PLXNA4: variants seen among roughly 807,000 people sequenced by gnomAD.
The protein encoded by PLXNA4 is plexin-A4.
A neutral mutation model predicts 191.8 loss-of-function variants in PLXNA4; 44 were observed. The ratio of observed to expected loss-of-function variants is 0.23; its 90% confidence interval spans 0.18 to 0.29. The LOEUF (loss-of-function observed/expected upper bound fraction) is 0.29, where lower values mean the gene tolerates loss of function less well. Among genes scored for constraint, PLXNA4 ranks in the 10% least tolerant of loss-of-function variants. The pLI, the probability that PLXNA4 is intolerant of heterozygous loss-of-function variation, is 1.00. For synonymous variants in PLXNA4, 1,082 were observed against 1,009.5 expected, an observed-to-expected ratio of 1.07 and a Z score of -1.36; for missense variants, 1,800 against 2,488.8, an observed-to-expected ratio of 0.72 and a Z score of 5.89.
intron 2 of PLXNA4, among the ~76,000 whole-genome samples, chr7:132,597,047 A>G (rs1225440665): frequency 6.6e-6 from 1 of 152,184 alleles, no homozygotes; most frequent in African/African-American, 2.4e-5. Flanking sequence ...TAAAGTCAGC[A>G]GCCACTTCTG....
chr7:132,251,458 G>A (rs542913548), intron 4 of PLXNA4, among the ~76,000 whole-genome samples: 1 of 152,242 alleles, frequency 6.6e-6, no homozygotes, highest in Admixed American at 6.5e-5. Flanking sequence ...GGCCCAGGCA[G>A]CGGAGCCAAG....
chr7:132,194,200 A>T, intron 13 of PLXNA4, 21 bp from the exon 14 acceptor site: 1 of 1,605,630 alleles, frequency 6.2e-7, no homozygotes. Context: ...GATAGGAGAA[A>T]TCCCATGGGT....
intron 2 of PLXNA4, among the ~76,000 whole-genome samples, chr7:132,592,568 AT>A (rs1802620939): frequency 6.7e-6 from 1 of 150,162 alleles, no homozygotes; most frequent in African/African-American, 2.5e-5. Flanking sequence ...AAAAACCCAC[AT>A]TAAATTCTCG....
At chr7:132,385,327 C>A (rs17221229) in intron 3 of PLXNA4, 111,941 of 1,591,610 alleles carry the variant, frequency 0.07, 4,416 homozygotes, top group Non-Finnish European at 0.081. Context: ...CAGACTTAGA[C>A]CATGGTGCAC....
chr7:132,541,992 C>A (rs1800107371), intron 1 of PLXNA4, among the ~76,000 whole-genome samples: 1 of 151,958 alleles, frequency 6.6e-6, no homozygotes, highest in Admixed American at 6.6e-5. Flanking sequence ...TATAACAGTT[C>A]CAGGAAAATC....
At chr7:132,631,007 C>A (rs1350157118) in intron 2 of PLXNA4, among the ~76,000 whole-genome samples, 3 of 152,154 alleles carry the variant, frequency 2.0e-5, no homozygotes, top group Non-Finnish European at 4.4e-5. Flanking sequence ...ACTTTTAAAC[C>A]AGAACACCCA....
At chr7:132,446,723 C>T (rs1346170) in intron 3 of PLXNA4, among the ~76,000 whole-genome samples, 105,188 of 152,180 alleles carry the variant, frequency 0.69, 42,248 homozygotes, top group Non-Finnish European at 0.89. Flanking sequence ...CCACCCTATC[C>T]GAATTCCCAA....
At chr7:132,226,537 T>C (rs918219386) in intron 7 of PLXNA4, among the ~76,000 whole-genome samples, 11 of 152,226 alleles carry the variant, frequency 7.2e-5, no homozygotes, top group South Asian at 2.1e-4. Context: ...TTTGCATGCA[T>C]GATGTCCTGC....
intron 2 of PLXNA4, among the ~76,000 whole-genome samples, chr7:132,502,793 G>C (rs541919375): frequency 1.1e-4 from 17 of 152,278 alleles, no homozygotes; most frequent in Admixed American, 5.9e-4. Flanking sequence ...GTATTGTTGG[G>C]AGAAGAAAAG....
chr7:132,620,692 T>C (rs1019421047), intron 2 of PLXNA4, among the ~76,000 whole-genome samples: 5 of 152,250 alleles, frequency 3.3e-5, no homozygotes, highest in African/African-American at 1.2e-4. Flanking sequence ...AATGATGTAA[T>C]AGGATACCTT....
chr7:132,218,162 G>A (rs994333269), intron 9 of PLXNA4, among the ~76,000 whole-genome samples: 4 of 152,110 alleles, frequency 2.6e-5, no homozygotes, highest in African/African-American at 4.8e-5. Flanking sequence ...CGGCCTTGCC[G>A]GCTCTTCAGT....
intron 4 of PLXNA4, among the ~76,000 whole-genome samples, chr7:132,262,878 G>T (rs1419527586): frequency 6.6e-6 from 1 of 152,114 alleles, no homozygotes; most frequent in East Asian, 1.9e-4. Context: ...AAGGTCAGTG[G>T]TTCAAGTTCA....
At chr7:132,556,731 C>T (rs368384238) in intron 1 of PLXNA4, among the ~76,000 whole-genome samples, 2 of 152,212 alleles carry the variant, frequency 1.3e-5, no homozygotes, top group African/African-American at 2.4e-5. Context: ...CCGTCCTTGG[C>T]GCTGTGCTGT....
intron 2 of PLXNA4, among the ~76,000 whole-genome samples, chr7:132,596,532 A>C (rs530864764): frequency 6.6e-6 from 1 of 152,368 alleles, no homozygotes; most frequent in South Asian, 2.1e-4. Flanking sequence ...AAGATTATGA[A>C]GATTTAAAGG....
intron 3 of PLXNA4, among the ~76,000 whole-genome samples, chr7:132,409,987 C>T (rs371620412): frequency 5.3e-5 from 8 of 152,238 alleles, no homozygotes; most frequent in African/African-American, 1.9e-4. Flanking sequence ...AATCTCACCT[C>T]TCCCTGCTCC....
chr7:132,260,553 G>A (rs1799601723), intron 4 of PLXNA4, among the ~76,000 whole-genome samples: 1 of 152,032 alleles, frequency 6.6e-6, no homozygotes, highest in African/African-American at 2.4e-5. Flanking sequence ...TTGAAAAACT[G>A]TCTATCTGGT....
intron 3 of PLXNA4, among the ~76,000 whole-genome samples, chr7:132,324,946 G>A (rs1460330901): frequency 6.6e-6 from 1 of 152,100 alleles, no homozygotes; most frequent in Non-Finnish European, 1.5e-5. Flanking sequence ...AAGAACACAA[G>A]CCCCCTGAAA....
chr7:132,147,460 C>G (rs997267722), intron 27 of PLXNA4, among the ~76,000 whole-genome samples: 1 of 152,172 alleles, frequency 6.6e-6, no homozygotes, highest in Non-Finnish European at 1.5e-5. Flanking sequence ...CCAGCACCCT[C>G]TCCTCACCAC....
chr7:132,576,029 A>G lies in PLXNA4; in HGVS notation c.-87+393T>C, dbSNP rs536856740. Among the ~76,000 whole-genome samples, 438 of 152,256 alleles carry G rather than the reference A, an allele frequency of 2.9e-3. 6 individuals are homozygous for G. The South Asian group carries it at 0.031, about 11-fold the overall frequency. On this transcript the variant is annotated intron_variant, in intron 1 of 31. Coordinates refer to ENST00000321063, the MANE Select transcript of PLXNA4 (RefSeq NM_020911.2). The surrounding 1 kb of genome is among the most constrained non-coding windows in gnomAD (Gnocchi z 5.8). ...CCGGAAACCTCTCAGGACTTCTCCC[A>G]TTTTAAAGCCCAGCTAGGGACGAAA...
Sources: allele counts gnomAD v4.1 joint callset (sites outside exome capture counted in the v4.1 genomes callset), GRCh38; gene constraint gnomAD v4.1.1; non-coding constraint Gnocchi (gnomAD v3.1); transcripts MANE v1.5; gene names NCBI Gene and HGNC (gene_info 2026-07-23, HGNC 2026-07-21).